Variants in SHC4 observed in about 807,000 individuals in gnomAD.
The protein encoded by SHC4 is SHC-transforming protein 4.
SHC4 carries 41 observed loss-of-function variants against 69.4 expected under a neutral mutation model. The ratio of observed to expected loss-of-function variants is 0.59; its 90% CI spans 0.46 to 0.77. The LOEUF is 0.77. Ranked by LOEUF, SHC4 falls within the 30% of genes least tolerant of loss-of-function variation. The pLI is 0.00. For missense variants in SHC4, 777 were observed against 783.8 expected, an observed-to-expected ratio of 0.99 and a Z score of 0.10; for synonymous variants, 318 against 299.3, an observed-to-expected ratio of 1.06 and a Z score of -0.64.
At position 48,961,420 on chromosome 15, in the gene SHC4, C is replaced by T. The variant is rs1055057803; in HGVS notation, c.585+1011G>A. Among the ~76,000 whole-genome samples, 13 of 152,154 alleles carry T rather than the reference C, an allele frequency of 8.5e-5. No homozygotes were observed. The South Asian group carries it at 2.7e-3, about 32-fold the overall frequency. ...TACAAGCCACCCCCTCCCTCAGTCA[C>T]CCACTATTCTCCAGCATTCCCCTTC... is the stretch of plus-strand genomic sequence containing the variant. On this transcript the variant is annotated intron_variant, in intron 1 of 11. Coordinates refer to ENST00000332408, the MANE Select transcript of SHC4 (RefSeq NM_203349.4).
chr15:48,952,764 A>G (rs1901386386), intron 1 of SHC4, among the ~76,000 whole-genome samples: 1 of 152,224 alleles, frequency 6.6e-6, no homozygotes, highest in Non-Finnish European at 1.5e-5. Context: ...ATGTCAAAAA[A>G]TAACAGATGC....
intron 1 of SHC4, among the ~76,000 whole-genome samples, chr15:48,953,169 G>T (rs912923260): frequency 7.2e-5 from 11 of 152,196 alleles, no homozygotes; most frequent in African/African-American, 2.7e-4. Context: ...TGCATGAACA[G>T]AAAACCAAAT....
intron 11 of SHC4, among the ~76,000 whole-genome samples, chr15:48,834,215 C>G (rs1479362259): frequency 3.9e-5 from 6 of 152,210 alleles, no homozygotes; most frequent in Non-Finnish European, 5.9e-5. Context: ...ATTACTCTGT[C>G]TGCACCTATG....
chr15:48,912,835 C>T (rs1900533331), intron 2 of SHC4, among the ~76,000 whole-genome samples: 1 of 152,130 alleles, frequency 6.6e-6, no homozygotes, highest in Non-Finnish European at 1.5e-5. Flanking sequence ...TTCCTGTGAG[C>T]CGAACTGCAG....
In SHC4 at chr15:48,834,884, A is replaced by G. The variant is rs1259841593; in HGVS notation, c.1622T>C (p.Val541Ala). The change falls in exon 11 of 12, where the codon GTA becomes GCA. Residue 541 changes from valine to alanine, a missense_variant. Val to Ala is a moderately conservative substitution (Grantham distance 64). Coordinates refer to ENST00000332408, the MANE Select transcript of SHC4 (RefSeq NM_203349.4). ...LSRKAAESLL[V>A]KDGDFLVRES... ...TCGAACCAAAAAGTCCCCATCCTTTACCAAGAGGCTCTCTGCCGCCTTCCT... is the reference window on the plus strand; with the variant it reads ...TCGAACCAAAAAGTCCCCATCCTTTGCCAAGAGGCTCTCTGCCGCCTTCCT... 5.0e-6 allele frequency: 8 copies of G among 1,614,160 alleles called. No individual in the cohort carries two copies. The highest frequency in any genetic ancestry group is 1.3e-5 in the African/African-American group (1 of 75,042).
intron 11 of SHC4, among the ~76,000 whole-genome samples, chr15:48,828,065 T>C (rs1033666574): frequency 2.6e-5 from 4 of 151,666 alleles, no homozygotes; most frequent in African/African-American, 9.7e-5. Context: ...AAGAAACATA[T>C]AACATGAGAT....
At chr15:48,920,604 T>C (rs1900734311) in intron 2 of SHC4, among the ~76,000 whole-genome samples, 2 of 152,210 alleles carry the variant, frequency 1.3e-5, no homozygotes, top group South Asian at 4.1e-4. Context: ...TAAAAATAGA[T>C]AAATGGCTGG....
At chr15:48,845,975 C>CA (rs1899083583) in intron 9 of SHC4, among the ~76,000 whole-genome samples, 1 of 151,180 alleles carries the variant, frequency 6.6e-6, no homozygotes, top group Admixed American at 6.6e-5. Context: ...GAAATATAAT[C>CA]AAAAGTGCTT....
intron 11 of SHC4, among the ~76,000 whole-genome samples, chr15:48,833,860 C>T (rs1046171761): frequency 6.6e-6 from 1 of 152,200 alleles, no homozygotes; most frequent in African/African-American, 2.4e-5. Context: ...CCAGTTTTGA[C>T]ATGACTGTTT....
At chr15:48,946,454 T>A in intron 1 of SHC4, 1 of 513,906 alleles carries the variant, frequency 1.9e-6, no homozygotes, top group Non-Finnish European at 2.5e-6. Context: ...TTCCTCATCC[T>A]TCCTCTTCCT....
Position 48,843,427 on chromosome 15 carries a change from TC to T in SHC4, c.1464del (p.Ser489AlafsTer43), listed in dbSNP as rs1288349150. The T allele has an allele frequency of 1.2e-6, 2 of 1,612,878 alleles. No individual in the cohort carries two copies. Among genetic ancestry groups the T allele is most frequent in the Non-Finnish European group, 1.7e-6 (2 of 1,179,204 alleles). On this transcript the variant is annotated frameshift_variant, in exon 10 of 12. Transcript: ENST00000332408. LOFTEE classifies it high-confidence loss of function. Reference protein sequence around the residue: ...AGNQRSAQPLGSPWHCGKAPE... With the variant: ...AGNQRSAQPLXSPWHCGKAPE... ...TACTTACTTCCGCAGTGCCATGGGC[TC>T]CCCAGTGGTTGGGCTGACCTTTGAT...
rs749551469 is a variant in SHC4 at position 48,962,752 on chromosome 15, G to A, written c.264C>T (p.Pro88=). ...TGGCCAGCTTCATGCTTGCCATGCG[G>A]GGGATCAAGGTGCACAGTGGGGTGG... ...ESPTPLCTLI[P]RMASMKLANP... The change falls in exon 1 of 12, where the codon CCC becomes CCT. Residue 88 remains proline (P), a synonymous_variant. Transcript: ENST00000332408. The A allele has an allele frequency of 3.7e-6, 6 of 1,613,378 alleles. No homozygotes were observed. Among genetic ancestry groups the A allele is most frequent in the Non-Finnish European group, 5.1e-6 (6 of 1,180,026 alleles).
intron 9 of SHC4, among the ~76,000 whole-genome samples, chr15:48,846,871 C>G (rs1239153047): frequency 6.6e-6 from 1 of 152,088 alleles, no homozygotes; most frequent in South Asian, 2.1e-4. Context: ...CCTCACAAAG[C>G]GTTAGCCTGA....
chr15:48,857,874 A>G (rs192242143), intron 6 of SHC4, 59 bp from the exon 7 acceptor site: 6 of 1,364,274 alleles, frequency 4.4e-6, no homozygotes, highest in Non-Finnish European at 5.8e-6. Flanking sequence ...AGAAGATTAC[A>G]TAAAATCAGA....
Position 48,878,124 on chromosome 15 carries a change from C to A in SHC4, c.841-5982G>T, listed in dbSNP as rs1899854419. On this transcript the variant is annotated intron_variant, in intron 4 of 11. Coordinates refer to ENST00000332408, the MANE Select transcript of SHC4 (RefSeq NM_203349.4). ...GCGCACGCGCACGAACGCACGGCCGCGCAGCATCTGTCTTGCTGGAAGCTT... is the reference window on the plus strand; with the variant it reads ...GCGCACGCGCACGAACGCACGGCCGAGCAGCATCTGTCTTGCTGGAAGCTT... The A allele has an allele frequency of 9.3e-6, 14 of 1,508,600 alleles. No homozygotes were observed. In the South Asian group the frequency reaches 1.7e-4, roughly 19 times the overall value. 93.5% of individuals were successfully genotyped at this position (1,508,600 alleles called of 1,614,324 possible).
chr15:48,876,800 C>T (rs1595741645), intron 4 of SHC4: 2 of 390,780 alleles, frequency 5.1e-6, no homozygotes, highest in East Asian at 4.3e-5. Flanking sequence ...TTTCGCAGCC[C>T]ACTGACTCAA....
intron 2 of SHC4, among the ~76,000 whole-genome samples, chr15:48,892,031 A>G (rs769661907): frequency 2.6e-5 from 4 of 151,836 alleles, no homozygotes; most frequent in Non-Finnish European, 4.4e-5. Context: ...ATTTTTTTGT[A>G]TTTTTAGTAG....
At chr15:48,864,866 G>A (rs1899528129) in intron 6 of SHC4, among the ~76,000 whole-genome samples, 1 of 152,164 alleles carries the variant, frequency 6.6e-6, no homozygotes, top group African/African-American at 2.4e-5. Context: ...TGACCTCCTG[G>A]CCAGTATTCA....
chr15:48,898,109 A>C (rs527282481), intron 2 of SHC4, among the ~76,000 whole-genome samples: 2 of 152,326 alleles, frequency 1.3e-5, no homozygotes, highest in Admixed American at 1.3e-4. Flanking sequence ...GTTCTAGGGA[A>C]ACCAGTACCA....
Sources: gnomAD v4.1 joint callset for allele counts (sites outside exome capture counted in the v4.1 genomes callset) on GRCh38, gnomAD v4.1.1 for gene constraint, MANE v1.5 for transcripts, NCBI Gene and HGNC (gene_info 2026-07-23, HGNC 2026-07-21) for gene names.